The following UBE2V1 variants were observed in gnomAD, a reference collection of about 807,000 sequenced individuals.
UBE2V1 encodes ubiquitin conjugating enzyme E2 V1.
Under a neutral mutation model 19.6 loss-of-function variants are expected in UBE2V1, and 15 were observed. The ratio of observed to expected loss-of-function variants is 0.77; its 90% CI spans 0.51 to 1.18. The LOEUF (loss-of-function observed/expected upper bound fraction) is 1.18. Ranked by LOEUF, UBE2V1 falls within the 50% of genes most tolerant of loss-of-function variation. The pLI, the probability that UBE2V1 is intolerant of heterozygous loss-of-function variation, is 0.00. For missense variants in UBE2V1, 125 were observed against 184.8 expected (o/e 0.68, Z 1.88); for synonymous variants, 60 against 60.7 (o/e 0.99, Z 0.05).
rs148382948 is a variant in UBE2V1 at position 50,089,108 on chromosome 20, A to T, written c.172-4854T>A. On this transcript the variant is annotated intron_variant, in intron 2 of 3. Coordinates refer to ENST00000371674, the MANE Select transcript of UBE2V1 (RefSeq NM_001032288.3). The stretch of plus-strand genomic sequence containing the variant: ...ATAAGACATTGCTTAAACAGGCGTC[A>T]GTGGACTGAAAATGTTCAAAGGGAA... Among the ~76,000 whole-genome samples, 87 of 152,366 alleles carry T rather than the reference A, an allele frequency of 5.7e-4. 1 individual carries two copies. In the East Asian group the frequency reaches 9.1e-3, roughly 16 times the overall value.
chr20:50,109,663 C>A (rs993257366), intron 1 of UBE2V1, among the ~76,000 whole-genome samples: 1 of 149,004 alleles, frequency 6.7e-6, no homozygotes, highest in Non-Finnish European at 1.5e-5. Context: ...GCAGGAGAAT[C>A]GCTTGAACCT....
chr20:50,109,917 C>T (rs549427854), intron 1 of UBE2V1, among the ~76,000 whole-genome samples: 1 of 152,316 alleles, frequency 6.6e-6, no homozygotes, highest in South Asian at 2.1e-4. Flanking sequence ...AAGATGCTCA[C>T]ACAGTGAGAC....
chr20:50,104,628 A>C (rs2080236122), intron 1 of UBE2V1, among the ~76,000 whole-genome samples: 1 of 131,066 alleles, frequency 7.6e-6, no homozygotes, highest in African/African-American at 2.9e-5. Flanking sequence ...ACTGCACTCC[A>C]GCCAGGGCGA....
upstream of UBE2V1, among the ~76,000 whole-genome samples, chr20:50,114,425 A>G (rs1024429804): frequency 2.0e-5 from 3 of 152,086 alleles, no homozygotes; most frequent in African/African-American, 7.2e-5. Flanking sequence ...TCTCTCCCCT[A>G]TGGCCCATTC....
intron 2 of UBE2V1, among the ~76,000 whole-genome samples, chr20:50,088,877 A>G (rs796065952): frequency 5.3e-5 from 8 of 152,334 alleles, no homozygotes; most frequent in African/African-American, 1.9e-4. Context: ...TAAACATACA[A>G]AAAGGAAACA....
intron 2 of UBE2V1, chr20:50,096,396 G>T: frequency 1.6e-6 from 1 of 619,234 alleles, no homozygotes; most frequent in Non-Finnish European, 2.6e-6. Context: ...TGTTCTGAAC[G>T]ACATCTGATG....
At chr20:50,113,783 A>G (rs74579995), upstream of UBE2V1, among the ~76,000 whole-genome samples, 3 of 137,256 alleles carry the variant, frequency 2.2e-5, no homozygotes, top group African/African-American at 9.3e-5. Flanking sequence ...TCATTCATTC[A>G]TTCATTCATT....
chr20:50,105,448 T>G (rs2147165090), intron 1 of UBE2V1, among the ~76,000 whole-genome samples: 1 of 152,258 alleles, frequency 6.6e-6, no homozygotes, highest in Non-Finnish European at 1.5e-5. Flanking sequence ...GTGAATATAT[T>G]AAAAAATTAA....
At chr20:50,084,356 A>C (rs765260957) in intron 2 of UBE2V1, 102 bp from the exon 3 acceptor site, 1 of 1,593,884 alleles carries the variant, frequency 6.3e-7, no homozygotes, top group Non-Finnish European at 8.5e-7. Flanking sequence ...GAACTGGTAC[A>C]TCTGCTTCCA....
intron 1 of UBE2V1, among the ~76,000 whole-genome samples, chr20:50,107,373 T>G (rs1428302302): frequency 6.6e-6 from 1 of 152,220 alleles, no homozygotes; most frequent in African/African-American, 2.4e-5. Context: ...AGTAGCAAGC[T>G]GTCATTCTTT....
chr20:50,084,586 T>G (rs2078800169), intron 2 of UBE2V1: 1 of 474,046 alleles, frequency 2.1e-6, no homozygotes, highest in South Asian at 1.6e-5. Flanking sequence ...GCATTCTCTA[T>G]TCTAGGAAGC....
At chr20:50,112,896 G>A (rs2080859101) in intron 1 of UBE2V1, among the ~76,000 whole-genome samples, 3 of 152,016 alleles carry the variant, frequency 2.0e-5, no homozygotes, top group Admixed American at 1.3e-4. Flanking sequence ...GCCTCGCCGC[G>A]CCGCCCACAG....
At chr20:50,089,873 A>C (rs1226641722) in intron 2 of UBE2V1, among the ~76,000 whole-genome samples, 2 of 152,202 alleles carry the variant, frequency 1.3e-5, no homozygotes, top group African/African-American at 2.4e-5. Flanking sequence ...TTGACCCTTC[A>C]CATTTGCTTG....
At chr20:50,084,331 T>G in intron 2 of UBE2V1, 77 bp from the exon 3 acceptor site, 1 of 1,605,152 alleles carries the variant, frequency 6.2e-7, no homozygotes, top group African/African-American at 1.3e-5. Flanking sequence ...GAAACCCCAT[T>G]TATCCCTGAC....
chr20:50,113,124 G>T lies in UBE2V1; in HGVS notation c.5C>A (p.Ala2Glu). The change falls in exon 1 of 4, where the codon GCA (alanine) becomes GAA (glutamate). Residue 2 changes from alanine (A) to glutamate (E), a missense_variant. Around this residue, in one of 3 missense-constraint regions of UBE2V1, gnomAD observed 28 missense variants for 22.5 expected, o/e 1.25. Coordinates refer to ENST00000371674, the MANE Select transcript of UBE2V1 (RefSeq NM_001032288.3). The part of the protein sequence containing the change: M[A>E]ATTGSGVKVP... ...CCGCTCACCCGAGCCCGTGGTGGCT[G>T]CCATCTTGCGTCGCTCTTGCTTGAA... The T allele has an allele frequency of 2.2e-6, 3 of 1,370,900 alleles. No homozygotes were observed. The highest frequency in any genetic ancestry group is 1.9e-6 in the Non-Finnish European group (2 of 1,046,486). The allele number at this position is 1,370,900 out of a possible 1,614,324, so 84.9% of individuals were successfully genotyped here. A position where few individuals can be genotyped will look rare whatever the true frequency, so the allele number is the denominator to read the frequency against.
chr20:50,084,074 A>G, intron 3 of UBE2V1, 55 bp downstream of exon 3: 2 of 1,527,282 alleles, frequency 1.3e-6, no homozygotes, highest in Non-Finnish European at 8.7e-7. Flanking sequence ...CCTGATGTTA[A>G]GTACAAAGCA....
At chr20:50,086,505 C>A (rs564250188) in intron 2 of UBE2V1, among the ~76,000 whole-genome samples, 3 of 152,056 alleles carry the variant, frequency 2.0e-5, no homozygotes, top group Non-Finnish European at 4.4e-5. Context: ...CAAACAAAGG[C>A]ATGACTCACA....
At chr20:50,085,722 C>T (rs2078877292) in intron 2 of UBE2V1, among the ~76,000 whole-genome samples, 1 of 152,186 alleles carries the variant, frequency 6.6e-6, no homozygotes, top group Non-Finnish European at 1.5e-5. Context: ...CCCATGGAAA[C>T]TTTTCTTGTC....
upstream of UBE2V1, chr20:50,113,162 CT>C: frequency 1.5e-6 from 2 of 1,306,096 alleles, no homozygotes; most frequent in Non-Finnish European, 2.0e-6. Flanking sequence ...CCGGCCCCTT[CT>C]TCACCCCCCC....
Sources: gnomAD v4.1 joint callset for allele counts (sites outside exome capture counted in the v4.1 genomes callset) on GRCh38, gnomAD v4.1.1 for gene constraint, gnomAD v4.1.1 regional missense constraint, MANE v1.5 for transcripts, NCBI Gene and HGNC (gene_info 2026-07-23, HGNC 2026-07-21) for gene names.